B4GALNT1: variants seen among roughly 807,000 people sequenced by gnomAD.
B4GALNT1 encodes the protein beta-1,4-N-acetyl-galactosaminyltransferase 1.
Under a neutral mutation model 55.2 loss-of-function variants are expected in B4GALNT1, and 43 were observed. That is an observed-to-expected ratio of 0.78 (90% confidence interval 0.61 to 1.00). The LOEUF is 1.00. B4GALNT1 is among the 50% of genes least tolerant of loss of function. The pLI is 0.00. For missense variants in B4GALNT1, 664 were observed against 729.7 expected (o/e 0.91, Z 1.04); for synonymous variants, 305 against 311.6 (o/e 0.98, Z 0.22).
Position 57,624,052 on chromosome 12 carries a change from A to G in B4GALNT1, c.*2692T>C. 1 of 1,613,190 alleles carries G rather than the reference A, an allele frequency of 6.2e-7. No individual in the cohort carries two copies. The highest frequency in any genetic ancestry group is 1.1e-5 in the South Asian group (1 of 90,942). On this transcript the variant is annotated 3_prime_UTR_variant, in exon 11 of 11. Transcript: ENST00000341156. ...TCCAGCATGCGCCAGGTGTTCTGCC[A>G]GATGCAGGAACTTCCACAACTATGG...
chr12:57,624,900 A>G lies in B4GALNT1; in HGVS notation c.*1844T>C, dbSNP rs1565734454. On this transcript the variant is annotated 3_prime_UTR_variant, in exon 11 of 11. Transcript: ENST00000341156. ...GTCCCGGGGCTCTGCATCCTGAGCT[A>G]TCCAACACCACTGTACTTTGGGACC... 1.9e-6 allele frequency: 3 copies of G among 1,614,156 alleles called. No individual in the cohort carries two copies. Among genetic ancestry groups the G allele is most frequent in the Non-Finnish European group, 2.5e-6 (3 of 1,180,026 alleles).
Position 57,626,819 on chromosome 12 carries a change from T to C in B4GALNT1, c.1527A>G (p.Ser509=), listed in dbSNP as rs762805435. Residue 509 remains serine (S), a synonymous_variant, in exon 11 of 11, where the codon TCA becomes TCG. Transcript: ENST00000341156. The stretch of plus-strand genomic sequence containing the variant: ...GTTTGGCCATCTGGCTCTCGTCCAG[T>C]GATCCTGGGTAACGGTACCGGGCGT... The part of the protein sequence containing the change: ...ETYARYRYPG[S]LDESQMAKHR... The C allele has an allele frequency of 3.7e-6, 6 of 1,614,106 alleles. No homozygotes were observed. Among genetic ancestry groups the C allele is most frequent in the Non-Finnish European group, 4.2e-6 (5 of 1,180,040 alleles).
rs1884599622 is a variant in B4GALNT1 at position 57,623,610 on chromosome 12, A to T, written c.*3134T>A. ...GCTACAAAACTGGGGAACTTGAACA[A>T]TGGACATCTACAAGGAGACTGGTGA... On this transcript the variant is annotated 3_prime_UTR_variant, in exon 11 of 11. Transcript: ENST00000341156. 1 of 554,144 alleles carries T rather than the reference A, an allele frequency of 1.8e-6. No homozygotes were observed. The highest frequency in any genetic ancestry group is 1.9e-5 in the African/African-American group (1 of 52,784). The allele number at this position is 554,144 out of a possible 1,614,324, so 34.3% of individuals were successfully genotyped here.
rs760248323 is a variant in B4GALNT1 at position 57,626,731 on chromosome 12, C to T, written c.*13G>A. The T allele has an allele frequency of 1.9e-6, 3 of 1,613,810 alleles. No homozygotes were observed. Among genetic ancestry groups the T allele is most frequent in the Non-Finnish European group, 2.5e-6 (3 of 1,179,754 alleles). On this transcript the variant is annotated 3_prime_UTR_variant, in exon 11 of 11. Transcript: ENST00000341156. ...CAGGCCCAGCCTGACAGTCAGAAAT[C>T]CCCAGCGGGCCATCACTGGGAGGTC...
chr12:57,630,610 A>T, intron 4 of B4GALNT1, 92 bp from the exon 5 acceptor site: 2 of 1,402,140 alleles, frequency 1.4e-6, no homozygotes, highest in Non-Finnish European at 1.9e-6. Context: ...CACAATAGAG[A>T]ACTTTCCACC....
rs750503191 is a variant in B4GALNT1 at position 57,623,982 on chromosome 12, G to T, written c.*2762C>A. ...GTATTCCAGGACATCGAGGTAGTCA[G>T]CCCACCTCCTCTGCCTCAAGGCTGT... On this transcript the variant is annotated 3_prime_UTR_variant, in exon 11 of 11. Coordinates refer to ENST00000341156, the MANE Select transcript of B4GALNT1 (RefSeq NM_001478.5). 6.2e-7 allele frequency: 1 copy of T among 1,612,230 alleles called. No homozygotes were observed. The highest frequency in any genetic ancestry group is 8.5e-7 in the Non-Finnish European group (1 of 1,178,836).
Position 57,626,481 on chromosome 12 carries a change from G to T in B4GALNT1, c.*263C>A. Reference sequence around the variant, plus strand: ...TTGGAAAGTGATCCCCCCATTTCCTGCCCCATGAGAATGGGCAGGGGGAGG... The same window carrying T: ...TTGGAAAGTGATCCCCCCATTTCCTTCCCCATGAGAATGGGCAGGGGGAGG... On this transcript the variant is annotated 3_prime_UTR_variant, in exon 11 of 11. Transcript: ENST00000341156. 1.9e-6 allele frequency: 1 copy of T among 519,746 alleles called. No homozygotes were observed. Among genetic ancestry groups the T allele is most frequent in the Non-Finnish European group, 3.5e-6 (1 of 287,058 alleles). The allele number at this position is 519,746 out of a possible 1,614,324, so 32.2% of individuals were successfully genotyped here.
chr12:57,630,692 T>A (rs886286698), intron 4 of B4GALNT1, among the ~76,000 whole-genome samples, 174 bp from the exon 5 acceptor site: 34 of 152,316 alleles, frequency 2.2e-4, no homozygotes, highest in African/African-American at 7.5e-4. Context: ...TTTGAGCCCG[T>A]CCCGTCAAAG....
In B4GALNT1 at chr12:57,625,105, G is replaced by T. The variant is rs751263143; in HGVS notation, c.*1639C>A. 5.6e-6 allele frequency: 9 copies of T among 1,614,096 alleles called. No homozygotes were observed. Among genetic ancestry groups the T allele is most frequent in the Non-Finnish European group, 7.6e-6 (9 of 1,179,988 alleles). ...ATGCTGTGTTTCGGGAGTGGTGACTGCCCTTCTTTACTTATAGGAGACTTC... is the reference window on the plus strand; with the variant it reads ...ATGCTGTGTTTCGGGAGTGGTGACTTCCCTTCTTTACTTATAGGAGACTTC... On this transcript the variant is annotated 3_prime_UTR_variant, in exon 11 of 11. Transcript: ENST00000341156.
intron 6 of B4GALNT1, chr12:57,629,556 A>T (rs1885063516): frequency 5.3e-6 from 2 of 376,468 alleles, no homozygotes; most frequent in Non-Finnish European, 9.3e-6. Context: ...TAAGTAAATT[A>T]AAAAATTCAG....
At chr12:57,627,949 C>T in intron 9 of B4GALNT1, 91 bp from the exon 10 acceptor site, 1 of 1,466,960 alleles carries the variant, frequency 6.8e-7, no homozygotes, top group Non-Finnish European at 9.0e-7. Context: ...CGGGGGTACC[C>T]CTGCCCCATC....
intron 10 of B4GALNT1, among the ~76,000 whole-genome samples, 174 bp downstream of exon 10, chr12:57,627,444 A>AG (rs1227111233): frequency 6.8e-4 from 102 of 150,116 alleles, no homozygotes; most frequent in Middle Eastern, 7.1e-3. Context: ...GGGCTGGGAG[A>AG]GGGTGGGAGC....
Position 57,628,627 on chromosome 12 carries a change from C to T in B4GALNT1, c.1002+86G>A, listed in dbSNP as rs969811044. On this transcript the variant is annotated intron_variant, in intron 8 of 10. Transcript: ENST00000341156. The stretch of plus-strand genomic sequence containing the variant: ...CCATGATTCTGAGGCAGGTGGTCCT[C>T]GAATCACTACCCTGGAGGCTGCAGA... 15 of 1,506,292 alleles carry T rather than the reference C, an allele frequency of 1.0e-5. No individual in the cohort carries two copies. In the East Asian group the frequency reaches 2.5e-4, roughly 25 times the overall value. The allele number at this position is 1,506,292 out of a possible 1,614,324, so 93.3% of individuals were successfully genotyped here.
chr12:57,623,483 G>A lies in B4GALNT1; in HGVS notation c.*3261C>T, dbSNP rs1884593008. ...TTTAAAAGGAATATCACATATCAAA[G>A]TCTCCCCCTAATATTTTTGGTTTCC... On this transcript the variant is annotated 3_prime_UTR_variant, in exon 11 of 11. Transcript: ENST00000341156. 1 of 432,682 alleles carries A rather than the reference G, an allele frequency of 2.3e-6. No homozygotes were observed. Among genetic ancestry groups the A allele is most frequent in the Admixed American group, 4.1e-5 (1 of 24,320 alleles). 26.8% of individuals were successfully genotyped at this position (432,682 alleles called of 1,614,324 possible).
At chr12:57,627,581 C>A (rs770812606) in intron 10 of B4GALNT1, 37 bp downstream of exon 10, 120 of 1,540,572 alleles carry the variant, frequency 7.8e-5, no homozygotes, top group Non-Finnish European at 9.5e-5. Flanking sequence ...CCCCGTGGGG[C>A]TCCTGCCAGG....
Position 57,631,504 on chromosome 12 carries a change from A to C in B4GALNT1, c.219-140T>G. 6.1e-6 allele frequency: 6 copies of C among 980,826 alleles called. No individual in the cohort carries two copies. In the South Asian group the frequency reaches 9.7e-5, roughly 16 times the overall value. 60.8% of individuals were successfully genotyped at this position (980,826 alleles called of 1,614,324 possible). On this transcript the variant is annotated intron_variant, in intron 2 of 10. Coordinates refer to ENST00000341156, the MANE Select transcript of B4GALNT1 (RefSeq NM_001478.5). ...CTGTCCCCTTAAATGCTGCCCTTCA[A>C]ATAGTCCTCGGGAGGGGGACCAAGG...
rs764569694 is a variant in B4GALNT1, at chr12:57,624,542, G to A, written c.*2202C>T. Reference sequence around the variant, plus strand: ...CTGGGTGGCAGTAGTGACCCTGAGTGTGGATTTGGGCCTGGCTGTGGGTGT... The same window carrying A: ...CTGGGTGGCAGTAGTGACCCTGAGTATGGATTTGGGCCTGGCTGTGGGTGT... On this transcript the variant is annotated 3_prime_UTR_variant, in exon 11 of 11. Transcript: ENST00000341156. 1.9e-5 allele frequency: 12 copies of A among 637,718 alleles called. No homozygotes were observed. Among genetic ancestry groups the A allele is most frequent in the South Asian group, 4.1e-5 (3 of 72,318 alleles). 39.5% of individuals were successfully genotyped at this position (637,718 alleles called of 1,614,324 possible). A position where few individuals can be genotyped will look rare whatever the true frequency, so the allele number is the denominator to read the frequency against.
chr12:57,624,794 G>A lies in B4GALNT1; in HGVS notation c.*1950C>T, dbSNP rs1038199617. The A allele has an allele frequency of 2.8e-6, 4 of 1,419,840 alleles. No homozygotes were observed. The highest frequency in any genetic ancestry group is 2.0e-6 in the Non-Finnish European group (2 of 1,003,378). The allele number at this position is 1,419,840 out of a possible 1,614,324, so 88.0% of individuals were successfully genotyped here. ...CAGACCACTCAGAGGAAGCCCCAGG[G>A]TGGGTGGGCTGCAGCCAAAGAAGGA... On this transcript the variant is annotated 3_prime_UTR_variant, in exon 11 of 11. Coordinates refer to ENST00000341156, the MANE Select transcript of B4GALNT1 (RefSeq NM_001478.5).
rs1565734606 is a variant in B4GALNT1 at position 57,625,002 on chromosome 12, G to A, written c.*1742C>T. Reference sequence around the variant, plus strand: ...GAAAAGGTGAAGGAGCTTGGTTTAGGAGGGATGTGGATCCTCAGGGAGTGG... The same window carrying A: ...GAAAAGGTGAAGGAGCTTGGTTTAGAAGGGATGTGGATCCTCAGGGAGTGG... On this transcript the variant is annotated 3_prime_UTR_variant, in exon 11 of 11. Coordinates refer to ENST00000341156, the MANE Select transcript of B4GALNT1 (RefSeq NM_001478.5). 1.2e-6 allele frequency: 2 copies of A among 1,614,000 alleles called. No individual in the cohort carries two copies. The highest frequency in any genetic ancestry group is 1.7e-6 in the Non-Finnish European group (2 of 1,179,870).
Sources: allele counts gnomAD v4.1 joint callset (sites outside exome capture counted in the v4.1 genomes callset), GRCh38; gene constraint gnomAD v4.1.1; transcripts MANE v1.5; gene names NCBI Gene and HGNC (gene_info 2026-07-23, HGNC 2026-07-21).